The following CCDC141 variants were observed in gnomAD, a reference collection of about 807,000 sequenced individuals.
CCDC141 encodes coiled-coil domain containing 141.
In CCDC141, 168 loss-of-function variants were observed where a neutral mutation model predicts 181.0. That is an observed-to-expected ratio of 0.93 (90% CI 0.82 to 1.05). The LOEUF is 1.05. Among genes scored for constraint, CCDC141 ranks in the 50% least tolerant of loss-of-function variants. The pLI is 0.00. For missense variants in CCDC141, 1,902 were observed against 1,788.5 expected (o/e 1.06, Z -1.14); for synonymous variants, 666 against 642.3 (o/e 1.04, Z -0.56).
At chr2:178,981,586 C>T (rs1236929301) in intron 2 of CCDC141, among the ~76,000 whole-genome samples, 1 of 140,990 alleles carries the variant, frequency 7.1e-6, no homozygotes, top group Non-Finnish European at 1.5e-5. Context: ...TTTAAGATGC[C>T]ACAACAGCAG....
intron 4 of CCDC141, among the ~76,000 whole-genome samples, chr2:178,964,918 GT>G (rs1690558727): frequency 6.6e-6 from 1 of 152,088 alleles, no homozygotes. Context: ...TTCATTAATT[GT>G]TTTGATTAAT....
intron 11 of CCDC141, among the ~76,000 whole-genome samples, chr2:178,879,700 C>A (rs897054574): frequency 6.6e-6 from 1 of 152,072 alleles, no homozygotes; most frequent in Admixed American, 6.6e-5. Flanking sequence ...TGAGGAGAGA[C>A]CACCAACTCT....
intron 5 of CCDC141, among the ~76,000 whole-genome samples, chr2:178,956,040 G>A (rs560993857): frequency 6.6e-6 from 1 of 152,302 alleles, no homozygotes; most frequent in East Asian, 1.9e-4. Context: ...CTAACACTAA[G>A]ATAGTAGTTG....
chr2:178,944,153 C>G (rs1689633898), intron 6 of CCDC141, among the ~76,000 whole-genome samples: 1 of 152,162 alleles, frequency 6.6e-6, no homozygotes, highest in Admixed American at 6.5e-5. Context: ...ATATATTACA[C>G]TGGTCAAGTG....
Position 178,837,437 on chromosome 2 carries a change from G to A in CCDC141, c.3782C>T (p.Ala1261Val), listed in dbSNP as rs150447553. ...VQAGTSSPGD[A>V]QESVLPPPVA... is the part of the protein sequence containing the mutation. ...AGGTGGTGGAAGAACAGATTCCTGG[G>A]CATCCCCTGGGCTGCTGGTCCCAGC... Residue 1261 changes from alanine (A) to valine (V), a missense_variant, in exon 23 of 24, where the codon GCC becomes GTC. Transcript: ENST00000443758. The A allele has an allele frequency of 9.8e-5, 158 of 1,614,074 alleles. 2 individuals are homozygous for A. In the Middle Eastern group the frequency reaches 6.4e-3, roughly 66 times the overall value.
intron 7 of CCDC141, among the ~76,000 whole-genome samples, chr2:178,916,102 C>A (rs1305751942): frequency 6.6e-6 from 1 of 152,094 alleles, no homozygotes; most frequent in African/African-American, 2.4e-5. Context: ...TCTCAAACCC[C>A]TCACAGTTCT....
At chr2:178,935,881 A>G (rs1168575681) in intron 6 of CCDC141, among the ~76,000 whole-genome samples, 2 of 151,924 alleles carry the variant, frequency 1.3e-5, no homozygotes, top group Admixed American at 1.3e-4. Context: ...TTTGTGGGCT[A>G]CATGTATGTC....
intron 5 of CCDC141, among the ~76,000 whole-genome samples, chr2:178,949,624 T>C (rs1017185925): frequency 6.6e-6 from 1 of 152,224 alleles, no homozygotes; most frequent in African/African-American, 2.4e-5. Context: ...GAATCCAATT[T>C]TAACACAGAA....
At chr2:178,902,568 A>C (rs1423890681) in intron 8 of CCDC141, among the ~76,000 whole-genome samples, 3 of 152,240 alleles carry the variant, frequency 2.0e-5, no homozygotes, top group South Asian at 2.1e-4. Flanking sequence ...GAAAGCTGAA[A>C]CTGGATCCCC....
intron 7 of CCDC141, among the ~76,000 whole-genome samples, chr2:178,912,734 G>C (rs1688274534): frequency 1.3e-5 from 2 of 152,156 alleles, no homozygotes; most frequent in African/African-American, 4.8e-5. Flanking sequence ...AAACTCCTTA[G>C]CATGCTATTC....
chr2:178,920,725 CACA>C (rs900173336), intron 6 of CCDC141, among the ~76,000 whole-genome samples: 3 of 151,380 alleles, frequency 2.0e-5, no homozygotes, highest in African/African-American at 7.3e-5. Context: ...CACACACACA[CACA>C]CTCAATACAA....
At chr2:178,828,527 T>G (rs183513911), downstream of CCDC141, among the ~76,000 whole-genome samples, 1 of 152,336 alleles carries the variant, frequency 6.6e-6, no homozygotes, top group African/African-American at 2.4e-5. Context: ...AAAATGCATT[T>G]TAAAAGGCAC....
chr2:179,035,847 G>A (rs2043130870), intron 2 of CCDC141, among the ~76,000 whole-genome samples: 1 of 152,180 alleles, frequency 6.6e-6, no homozygotes, highest in Admixed American at 6.5e-5. Context: ...CCAATTTTAA[G>A]GGAAGGGACA....
intron 6 of CCDC141, among the ~76,000 whole-genome samples, chr2:178,923,058 C>T (rs1688760703): frequency 6.6e-6 from 1 of 151,730 alleles, no homozygotes; most frequent in Non-Finnish European, 1.5e-5. Context: ...GTATTTATTT[C>T]CCCAGCCATT....
chr2:178,911,118 T>C (rs542457255), intron 7 of CCDC141, among the ~76,000 whole-genome samples: 2 of 152,360 alleles, frequency 1.3e-5, no homozygotes, highest in Non-Finnish European at 2.9e-5. Flanking sequence ...CCATTTATAA[T>C]GTGTAAAGCA....
chr2:179,002,032 T>C (rs1218034341), intron 2 of CCDC141: 1 of 159,530 alleles, frequency 6.3e-6, no homozygotes, highest in Non-Finnish European at 1.4e-5. Context: ...TTGGCCAGGC[T>C]GGTCTCTAAC....
intron 8 of CCDC141, among the ~76,000 whole-genome samples, chr2:178,902,910 GA>G (rs935922787): frequency 6.8e-6 from 1 of 148,088 alleles, no homozygotes; most frequent in Non-Finnish European, 1.5e-5. Context: ...AAATTTACAA[GA>G]AAAAAACAAA....
chr2:178,839,822 T>C (rs1415202711), intron 22 of CCDC141, among the ~76,000 whole-genome samples: 1 of 152,150 alleles, frequency 6.6e-6, no homozygotes, highest in Non-Finnish European at 1.5e-5. Flanking sequence ...CTCCCTCTTT[T>C]GGCTGTCGTG....
chr2:178,841,942 A>G (rs570208621), intron 22 of CCDC141, among the ~76,000 whole-genome samples: 22 of 152,338 alleles, frequency 1.4e-4, no homozygotes, highest in African/African-American at 4.3e-4. Context: ...CAGAAACATT[A>G]TTTTAAAACT....
Sources: allele counts gnomAD v4.1 joint callset (sites outside exome capture counted in the v4.1 genomes callset), GRCh38; gene constraint gnomAD v4.1.1; transcripts MANE v1.5; gene names NCBI Gene and HGNC (gene_info 2026-07-23, HGNC 2026-07-21).